The following UNC79 variants were observed in gnomAD, a reference collection of about 807,000 sequenced individuals.
UNC79 encodes protein unc-79 homolog.
UNC79 carries 37 observed loss-of-function variants against 283.1 expected under a neutral mutation model. That is an observed-to-expected ratio of 0.13 (90% CI 0.10 to 0.17). The LOEUF is 0.17. Ranked by LOEUF, UNC79 falls within the 10% of genes least tolerant of loss-of-function variation. The pLI is 1.00. For synonymous variants in UNC79, 1,107 were observed against 1,200.2 expected (o/e 0.92, Z 1.61); for missense variants, 2,272 against 3,211.1 (o/e 0.71, Z 7.07).
intron 47 of UNC79, among the ~76,000 whole-genome samples, chr14:93,695,890 C>CAAAAAACAAAAAAAAAAAAAAAAAAAA (rs2075067760): frequency 2.5e-5 from 1 of 39,440 alleles, no homozygotes. Context: ...GACTTTGTCT[C>CAAAAAACAAAAAAAAAAAAAAAAAAAA]AAAAAAAAAA....
At chr14:93,383,557 A>T (rs2054707786) in intron 1 of UNC79, among the ~76,000 whole-genome samples, 1 of 152,226 alleles carries the variant, frequency 6.6e-6, no homozygotes. Flanking sequence ...TAATTTAAAA[A>T]TACTTTATTG....
intron 1 of UNC79, among the ~76,000 whole-genome samples, chr14:93,465,136 C>T (rs2057119538): frequency 6.6e-6 from 1 of 152,034 alleles, no homozygotes; most frequent in African/African-American, 2.4e-5. Context: ...TCTCCATCTT[C>T]ACTTATCAAC....
chr14:93,634,344 A>G (rs2068321506), intron 31 of UNC79, among the ~76,000 whole-genome samples, 177 bp from the exon 34 acceptor site: 1 of 152,244 alleles, frequency 6.6e-6, no homozygotes, highest in African/African-American at 2.4e-5. Flanking sequence ...CACTGTGTGA[A>G]GAAAGGCATC....
intron 27 of UNC79, 57 bp downstream of exon 28, chr14:93,613,140 G>A: frequency 6.3e-7 from 1 of 1,594,666 alleles, no homozygotes; most frequent in Middle Eastern, 1.7e-4. Flanking sequence ...TAGAAGCAAG[G>A]CATTACATAC....
rs143392959 is a variant in UNC79 at position 93,689,812 on chromosome 14, G to C, written c.7086-305G>C. On this transcript the variant is annotated intron_variant, in intron 44 of 48. Transcript: ENST00000555664. ...CCCACCAGAGAAGAAATTTCTAAAG[G>C]CAGGAGTGGAAAGGGTTTAGAAAGA... The C allele has an allele frequency of 1.0e-3, 309 of 296,312 alleles. 6 individuals are homozygous for C. In the East Asian group the frequency reaches 0.019, roughly 18 times the overall value. 18.4% of individuals were successfully genotyped at this position (296,312 alleles called of 1,614,324 possible). A position where few individuals can be genotyped will look rare whatever the true frequency, so the allele number is the denominator to read the frequency against.
intron 24 of UNC79, 25 bp downstream of exon 24, chr14:93,597,565 C>T: frequency 1.9e-6 from 3 of 1,599,252 alleles, no homozygotes; most frequent in South Asian, 2.3e-5. Context: ...GTGTTATCTG[C>T]TCCGAAGGTG....
intron 30 of UNC79, among the ~76,000 whole-genome samples, chr14:93,629,821 G>A (rs1182706757): frequency 6.6e-6 from 1 of 152,214 alleles, no homozygotes; most frequent in East Asian, 1.9e-4. Context: ...GCCATTTAGG[G>A]TTGACATCCC....
intron 1 of UNC79, among the ~76,000 whole-genome samples, chr14:93,333,691 G>C (rs1021410847): frequency 6.6e-5 from 10 of 152,196 alleles, no homozygotes; most frequent in Non-Finnish European, 1.0e-4. Flanking sequence ...GAGCCAAGTC[G>C]CTCTTCCCTA....
intron 26 of UNC79, among the ~76,000 whole-genome samples, chr14:93,606,073 T>C (rs2065871621): frequency 6.6e-6 from 1 of 152,226 alleles, no homozygotes; most frequent in Non-Finnish European, 1.5e-5. Flanking sequence ...AGATTGTTCT[T>C]AGTCAGTTTC....
At chr14:93,522,823 G>C (rs1407934939) in intron 7 of UNC79, among the ~76,000 whole-genome samples, 1 of 151,958 alleles carries the variant, frequency 6.6e-6, no homozygotes, top group Non-Finnish European at 1.5e-5. Flanking sequence ...AGTCGTTCTG[G>C]TAACTATATT....
At chr14:93,491,042 T>C (rs769208209) in intron 5 of UNC79, among the ~76,000 whole-genome samples, 1 of 152,192 alleles carries the variant, frequency 6.6e-6, no homozygotes, top group Non-Finnish European at 1.5e-5. Flanking sequence ...ATCAAGGTGC[T>C]GGTAGATTGG....
intron 1 of UNC79, among the ~76,000 whole-genome samples, chr14:93,350,231 G>A (rs982700149): frequency 6.6e-6 from 1 of 151,890 alleles, no homozygotes; most frequent in African/African-American, 2.4e-5. Context: ...TAAAAGTTGT[G>A]TTCTTGAGAA....
At chr14:93,460,828 C>T (rs926675620) in intron 1 of UNC79, among the ~76,000 whole-genome samples, 9 of 152,040 alleles carry the variant, frequency 5.9e-5, no homozygotes, top group Non-Finnish European at 1.3e-4. Flanking sequence ...TGTTCGAGAC[C>T]AGCCTGAGCA....
chr14:93,347,348 G>T, intron 1 of UNC79: 2 of 1,500,144 alleles, frequency 1.3e-6, no homozygotes, highest in Non-Finnish European at 8.9e-7. Flanking sequence ...CCCGCTCCCC[G>T]CTTCGCCCAC....
intron 40 of UNC79, 98 bp downstream of exon 43, chr14:93,662,812 C>T (rs1207204601): frequency 2.4e-6 from 2 of 838,838 alleles, no homozygotes; most frequent in Non-Finnish European, 3.6e-6. Flanking sequence ...TCAGTTGCTT[C>T]CATATAGTTA....
chr14:93,349,991 TGTAATTTTAAAATC>T (rs2053951862), intron 1 of UNC79, among the ~76,000 whole-genome samples: 1 of 152,252 alleles, frequency 6.6e-6, no homozygotes, highest in Admixed American at 6.5e-5. Flanking sequence ...AAACTTTTTA[TGTAATTTTAAAATC>T]GTAAAATTAT....
At chr14:93,653,899 C>T in intron 36 of UNC79, 41 bp from the exon 40 acceptor site, 1 of 1,614,034 alleles carries the variant, frequency 6.2e-7, no homozygotes, top group African/African-American at 1.3e-5. Context: ...TTTGCCTCAT[C>T]CCAGACACCC....
chr14:93,383,836 C>T (rs566540492), intron 1 of UNC79, among the ~76,000 whole-genome samples: 1 of 152,188 alleles, frequency 6.6e-6, no homozygotes, highest in East Asian at 1.9e-4. Context: ...CTGGGTCCTT[C>T]CTGTGCTGTT....
intron 1 of UNC79, among the ~76,000 whole-genome samples, chr14:93,379,545 A>G (rs2054624065): frequency 6.6e-6 from 1 of 152,196 alleles, no homozygotes; most frequent in Middle Eastern, 3.2e-3. Flanking sequence ...ATAAACTGCA[A>G]GATTTCTTCA....
Sources: gnomAD v4.1 joint callset for allele counts (sites outside exome capture counted in the v4.1 genomes callset) on GRCh38, gnomAD v4.1.1 for gene constraint, MANE v1.5 for transcripts, NCBI Gene and HGNC (gene_info 2026-07-23, HGNC 2026-07-21) for gene names.